Variants in ANKRD13A observed in about 807,000 individuals in gnomAD.
ANKRD13A encodes ankyrin repeat domain 13A, also known as ankyrin repeat domain-containing protein 13A.
Under a neutral mutation model 81.3 loss-of-function variants are expected in ANKRD13A, and 48 were observed. The ratio of observed to expected loss-of-function variants is 0.59; its 90% CI spans 0.47 to 0.75. ANKRD13A has a LOEUF of 0.75. Ranked by LOEUF, ANKRD13A falls within the 30% of genes least tolerant of loss-of-function variation. ANKRD13A has a pLI of 0.00. For missense variants in ANKRD13A, 612 were observed against 734.0 expected, an observed-to-expected ratio of 0.83 and a Z score of 1.92; for synonymous variants, 230 against 270.1, an observed-to-expected ratio of 0.85 and a Z score of 1.45.
At position 110,036,284 on chromosome 12, in the gene ANKRD13A, T is replaced by C; in HGVS notation, c.1533T>C (p.Asn511=). ...RSQELSGPAS[N]GGISQTNTYD... ...AGGAACTTTCAGGACCAGCTTCGAA[T>C]GGAGGGATCAGCCAGACAAACACCT... Residue 511 remains asparagine (N), a synonymous_variant, in exon 14 of 15, where the codon AAT becomes AAC. Transcript: ENST00000261739. This position sits in a 1 kb window ranked among gnomAD's most constrained non-coding sequence, Gnocchi z 4.6. The C allele has an allele frequency of 6.2e-7, 1 of 1,614,062 alleles. No individual in the cohort carries two copies. The highest frequency in any genetic ancestry group is 1.1e-5 in the South Asian group (1 of 91,084).
At position 110,033,802 on chromosome 12, in the gene ANKRD13A, C is replaced by A; in HGVS notation, c.1354C>A (p.His452Asn). Residue 452 changes from histidine to asparagine, a missense_variant, in exon 13 of 15, where the codon CAC (histidine) becomes AAC (asparagine). Coordinates refer to ENST00000261739, the MANE Select transcript of ANKRD13A (RefSeq NM_033121.2). ...ACGGTTGCCTTTTGTTTCAGCTTCC[C>A]ACATCACAAACTTTGAGGTTGATCA... Reference protein sequence around the residue: ...VEGTQADSASHITNFEVDQSV... With the variant: ...VEGTQADSASNITNFEVDQSV... 6.3e-7 allele frequency: 1 copy of A among 1,595,520 alleles called. No individual in the cohort carries two copies.
intron 1 of ANKRD13A, among the ~76,000 whole-genome samples, chr12:110,006,722 G>A (rs1022472051): frequency 2.0e-5 from 3 of 151,678 alleles, no homozygotes; most frequent in Admixed American, 1.3e-4. Context: ...TCAGCCTCCC[G>A]AGTAGCTGGG....
At chr12:110,022,495 G>C (rs1037499414) in intron 6 of ANKRD13A, 2 of 152,032 alleles carry the variant, frequency 1.3e-5, no homozygotes, top group African/African-American at 4.8e-5. Flanking sequence ...AGTAGAGGCA[G>C]GATTGCCGAA....
intron 7 of ANKRD13A, among the ~76,000 whole-genome samples, chr12:110,025,032 T>C (rs1159382579): frequency 6.6e-6 from 1 of 152,228 alleles, no homozygotes; most frequent in Non-Finnish European, 1.5e-5. Context: ...GCCCAGCAGA[T>C]GGCTGTCTGA....
chr12:110,024,455 A>C (rs1024301968), intron 7 of ANKRD13A, among the ~76,000 whole-genome samples: 4 of 152,260 alleles, frequency 2.6e-5, no homozygotes, highest in Non-Finnish European at 5.9e-5. Flanking sequence ...ACATGTGTTC[A>C]AATGTTGTGT....
At chr12:110,017,063 C>G (rs1482242655) in intron 4 of ANKRD13A, among the ~76,000 whole-genome samples, 1 of 151,628 alleles carries the variant, frequency 6.6e-6, no homozygotes, top group African/African-American at 2.4e-5. Context: ...CATGAGCTAC[C>G]ATGCCCAGCC....
chr12:110,007,672 A>C (rs1326763239), intron 1 of ANKRD13A, among the ~76,000 whole-genome samples: 2 of 152,114 alleles, frequency 1.3e-5, no homozygotes, highest in Admixed American at 1.3e-4. Flanking sequence ...GAGCCACCAC[A>C]CCAGGCCAGT....
chr12:110,023,945 A>G, intron 6 of ANKRD13A, 101 bp from the exon 7 acceptor site: 1 of 1,192,990 alleles, frequency 8.4e-7, no homozygotes, highest in Non-Finnish European at 1.2e-6. Context: ...AGTGTCCTTC[A>G]CTAACTTAAG....
At chr12:110,000,761 T>G (rs1889917696) in intron 1 of ANKRD13A, among the ~76,000 whole-genome samples, 2 of 148,714 alleles carry the variant, frequency 1.3e-5, no homozygotes, top group Non-Finnish European at 3.0e-5. Context: ...CCTTCTTTTT[T>G]TTTTTTTTTT....
rs573540248 is a variant in ANKRD13A at position 110,005,882 on chromosome 12, T to A, written c.96+6098T>A. ...CCCAGGCTGGAGTGCAGTGGCATGATCTCAGCTCTCTGCAACCTCTGCCTC... is the reference window on the plus strand; with the variant it reads ...CCCAGGCTGGAGTGCAGTGGCATGAACTCAGCTCTCTGCAACCTCTGCCTC... On this transcript the variant is annotated intron_variant, in intron 1 of 14. Transcript: ENST00000261739. Among the ~76,000 whole-genome samples, 10 of 152,302 alleles carry A rather than the reference T, an allele frequency of 6.6e-5. No homozygotes were observed. The East Asian group carries it at 1.7e-3, about 26-fold the overall frequency.
intron 1 of ANKRD13A, among the ~76,000 whole-genome samples, chr12:110,009,474 T>C (rs191449539): frequency 2.6e-5 from 4 of 152,354 alleles, no homozygotes; most frequent in Non-Finnish European, 5.9e-5. Flanking sequence ...TTCTCTCTTT[T>C]TTCCCTGGTC....
At chr12:110,019,351 T>G in intron 6 of ANKRD13A, 23 bp downstream of exon 6, 2 of 1,574,062 alleles carry the variant, frequency 1.3e-6, no homozygotes, top group South Asian at 2.3e-5. Flanking sequence ...ACTCTAAATT[T>G]TAATGTCTAA....
chr12:110,026,660 T>C (rs1171152238), intron 8 of ANKRD13A, among the ~76,000 whole-genome samples: 3 of 151,978 alleles, frequency 2.0e-5, no homozygotes, highest in Non-Finnish European at 4.4e-5. Flanking sequence ...GGTGGGCAGA[T>C]CACTTGAGGC....
intron 1 of ANKRD13A, 41 bp from the exon 2 acceptor site, chr12:110,011,964 T>A: frequency 6.4e-7 from 1 of 1,560,006 alleles, no homozygotes; most frequent in Non-Finnish European, 8.8e-7. Context: ...TATTTTAATG[T>A]AATACATCCA....
chr12:110,019,024 C>A, intron 5 of ANKRD13A, 115 bp from the exon 6 acceptor site: 1 of 1,126,740 alleles, frequency 8.9e-7, no homozygotes, highest in Non-Finnish European at 1.2e-6. Flanking sequence ...TAGGTTTTAC[C>A]AGATAGCACC....
intron 3 of ANKRD13A, among the ~76,000 whole-genome samples, chr12:110,014,436 A>AG (rs1890687250): frequency 1.3e-5 from 2 of 152,086 alleles, no homozygotes; most frequent in African/African-American, 4.8e-5. Context: ...AAAAATAAAA[A>AG]TTAGTGTCAA....
upstream of ANKRD13A, chr12:109,999,421 T>C (rs923618230): frequency 1.5e-5 from 3 of 197,890 alleles, no homozygotes; most frequent in African/African-American, 7.0e-5. The surrounding 1 kb of genome is among the most constrained non-coding windows in gnomAD (Gnocchi z 4.3). Context: ...TTGGGGCAGT[T>C]AGGTCCGCAG....
At chr12:110,025,270 C>T (rs570604415) in intron 7 of ANKRD13A, among the ~76,000 whole-genome samples, 10 of 151,864 alleles carry the variant, frequency 6.6e-5, no homozygotes, top group African/African-American at 2.4e-4. Flanking sequence ...GCACGAGAAT[C>T]GCTTGAACCC....
At chr12:110,020,194 G>A (rs761917687) in intron 6 of ANKRD13A, among the ~76,000 whole-genome samples, 4 of 151,842 alleles carry the variant, frequency 2.6e-5, no homozygotes, top group African/African-American at 4.8e-5. Flanking sequence ...GAAAATGGAC[G>A]CTATTATCCT....
Sources: gnomAD v4.1 joint callset for allele counts (sites outside exome capture counted in the v4.1 genomes callset) on GRCh38, gnomAD v4.1.1 for gene constraint, Gnocchi (gnomAD v3.1) non-coding constraint, MANE v1.5 for transcripts, NCBI Gene and HGNC (gene_info 2026-07-23, HGNC 2026-07-21) for gene names.